The following FMN2 variants were observed in gnomAD, a reference collection of about 807,000 sequenced individuals.
The protein encoded by FMN2 is formin 2, also known as formin-2.
In FMN2, 51 loss-of-function variants were observed where a neutral mutation model predicts 142.3. That is an observed-to-expected ratio of 0.36 (90% CI 0.29 to 0.45). The LOEUF (loss-of-function observed/expected upper bound fraction) is 0.45. FMN2 is among the 20% of genes least tolerant of loss of function. The pLI is 1.00. For missense variants in FMN2, 1,936 were observed against 2,122.8 expected (o/e 0.91, Z 1.73); for synonymous variants, 882 against 869.8 (o/e 1.01, Z -0.25).
chr1:240,402,451 C>T (rs1168495118), intron 15 of FMN2, among the ~76,000 whole-genome samples: 2 of 152,174 alleles, frequency 1.3e-5, no homozygotes, highest in Admixed American at 6.6e-5. Context: ...GAAAGTAAGG[C>T]GGCTGGGCAG....
Position 240,472,945 on chromosome 1 carries a change from A to T in FMN2, c.5142+492A>T, listed in dbSNP as rs1049225502. On this transcript the variant is annotated intron_variant, in intron 17 of 17. Transcript: ENST00000319653. ...GGCAACAGAGTGAGACTTTGTCTCA[A>T]AAAAAAAAAAAAAAAAATTAAGATA... is the stretch of plus-strand genomic sequence containing the variant. Among the ~76,000 whole-genome samples, 99 of 145,662 alleles carry T rather than the reference A, an allele frequency of 6.8e-4. No individual in the cohort carries two copies. The Middle Eastern group carries it at 0.011, about 16-fold the overall frequency.
chr1:240,235,026 A>G (rs943745987), intron 6 of FMN2, among the ~76,000 whole-genome samples: 2 of 152,208 alleles, frequency 1.3e-5, no homozygotes, highest in African/African-American at 4.8e-5. Context: ...TATGGCAACC[A>G]GTATTGCATG....
intron 8 of FMN2, among the ~76,000 whole-genome samples, chr1:240,296,053 TAGAG>T (rs1223589380): frequency 1.3e-5 from 2 of 152,210 alleles, no homozygotes; most frequent in Non-Finnish European, 2.9e-5. Flanking sequence ...TGAGGAAAGT[TAGAG>T]AGGTTAGATG....
chr1:240,132,993 C>T (rs1571963169), intron 2 of FMN2, among the ~76,000 whole-genome samples: 1 of 152,122 alleles, frequency 6.6e-6, no homozygotes, highest in Non-Finnish European at 1.5e-5. Context: ...ATTTGGGGTT[C>T]TCACAGTAGG....
Position 240,207,825 on chromosome 1 carries a change from G to A in FMN2, c.3013G>A (p.Gly1005Arg), listed in dbSNP as rs534635159. 2 of 254,226 alleles carry A rather than the reference G, an allele frequency of 7.9e-6. No homozygotes were observed. Among genetic ancestry groups the A allele is most frequent in the Admixed American group, 6.8e-5 (1 of 14,724 alleles). 15.7% of individuals were successfully genotyped at this position (254,226 alleles called of 1,614,324 possible). Residue 1005 changes from glycine (G) to arginine (R), a missense_variant, in exon 5 of 18, where the codon GGA (glycine) becomes AGA (arginine). Coordinates refer to ENST00000319653, the MANE Select transcript of FMN2 (RefSeq NM_020066.5). ...CATACCCCCTCCGCCCCCACTTCCC[G>A]GAGCGGGCATACCCCCTCCTCCCCC... ...AGIPPPPPLP[G>R]AGIPPPPPLP... is the part of the protein sequence containing the mutation.
intron 14 of FMN2, among the ~76,000 whole-genome samples, chr1:240,378,982 CTTGG>C (rs1673139801): frequency 6.6e-6 from 1 of 152,166 alleles, no homozygotes; most frequent in Non-Finnish European, 1.5e-5. Flanking sequence ...TTTCCTGATA[CTTGG>C]TTGGTCTAGT....
intron 4 of FMN2, among the ~76,000 whole-genome samples, chr1:240,189,880 T>C (rs1207627882): frequency 1.4e-4 from 3 of 21,278 alleles, no homozygotes; most frequent in Non-Finnish European, 2.8e-4. Context: ...TTTTTAAGCC[T>C]TTTTTTTGGT....
intron 6 of FMN2, among the ~76,000 whole-genome samples, chr1:240,236,797 G>A (rs900688030): frequency 6.6e-6 from 1 of 152,164 alleles, no homozygotes; most frequent in Non-Finnish European, 1.5e-5. Flanking sequence ...GTCACCTCTC[G>A]CTAGGACTCA....
intron 7 of FMN2, among the ~76,000 whole-genome samples, chr1:240,287,714 G>T (rs36055522): frequency 6.6e-6 from 1 of 152,264 alleles, no homozygotes; most frequent in East Asian, 1.9e-4. Flanking sequence ...TGTGAAATGG[G>T]CCGTAATAAT....
chr1:240,462,423 G>A (rs749296880), intron 16 of FMN2, among the ~76,000 whole-genome samples: 2 of 152,148 alleles, frequency 1.3e-5, no homozygotes, highest in Admixed American at 1.3e-4. Flanking sequence ...ATAGCAGCAA[G>A]TCAGTAAACT....
intron 2 of FMN2, among the ~76,000 whole-genome samples, chr1:240,136,036 ATGTT>A (rs1662925278): frequency 6.6e-6 from 1 of 151,672 alleles, no homozygotes; most frequent in Admixed American, 6.6e-5. Flanking sequence ...TACTCAGTGA[ATGTT>A]TGTATGACTG....
At chr1:240,294,794 A>G in intron 7 of FMN2, 28 bp from the exon 8 acceptor site, 9 of 1,612,160 alleles carry the variant, frequency 5.6e-6, no homozygotes, top group Non-Finnish European at 7.6e-6. Context: ...GGCTTATGGC[A>G]ATTTATATTC....
intron 14 of FMN2, among the ~76,000 whole-genome samples, chr1:240,382,894 G>A (rs1379934251): frequency 6.6e-6 from 1 of 152,012 alleles, no homozygotes; most frequent in Non-Finnish European, 1.5e-5. Flanking sequence ...AAACTGCATG[G>A]TACTGGTACA....
intron 6 of FMN2, among the ~76,000 whole-genome samples, chr1:240,251,750 G>A (rs10926178): frequency 0.65 from 98,620 of 152,040 alleles, 32,262 homozygotes; most frequent in East Asian, 0.85. Context: ...TGTGTGCTCC[G>A]TTGTTGGGTA....
intron 6 of FMN2, among the ~76,000 whole-genome samples, chr1:240,232,271 A>C (rs1947537): frequency 1.2e-4 from 3 of 25,162 alleles, no homozygotes; most frequent in African/African-American, 2.1e-4. Flanking sequence ...TTTTTTTTTT[A>C]AGTAGAGACA....
At chr1:240,378,685 C>T (rs1673129574) in intron 14 of FMN2, among the ~76,000 whole-genome samples, 1 of 152,166 alleles carries the variant, frequency 6.6e-6, no homozygotes, top group Non-Finnish European at 1.5e-5. Context: ...TGGAATAGAT[C>T]CAAATTTTAC....
chr1:240,235,948 T>G (rs1667695816), intron 6 of FMN2: 1 of 152,208 alleles, frequency 6.6e-6, no homozygotes, highest in Admixed American at 6.5e-5. Flanking sequence ...TTTTTAAGTT[T>G]CTAGTTTTTT....
chr1:240,119,899 T>G lies in FMN2; in HGVS notation c.1616-3280T>G, dbSNP rs147512628. On this transcript the variant is annotated intron_variant, in intron 1 of 17. Transcript: ENST00000319653. ...TAGTCTTAGGGCTATTTTCAGTAATTCGGTAACATGAATACAACAATCTAC... is the reference window on the plus strand; with the variant it reads ...TAGTCTTAGGGCTATTTTCAGTAATGCGGTAACATGAATACAACAATCTAC... Among the ~76,000 whole-genome samples, 55 of 152,288 alleles carry G rather than the reference T, an allele frequency of 3.6e-4. No individual in the cohort carries two copies. In the East Asian group the frequency reaches 9.1e-3, roughly 25 times the overall value.
intron 2 of FMN2, among the ~76,000 whole-genome samples, chr1:240,146,153 G>T (rs543426235): frequency 6.6e-6 from 1 of 151,776 alleles, no homozygotes; most frequent in African/African-American, 2.4e-5. Flanking sequence ...GGAGGCCAAG[G>T]TGGGCAGATC....
Sources: allele counts gnomAD v4.1 joint callset (sites outside exome capture counted in the v4.1 genomes callset), GRCh38; gene constraint gnomAD v4.1.1; transcripts MANE v1.5; gene names NCBI Gene and HGNC (gene_info 2026-07-23, HGNC 2026-07-21).